Variants in PRUNE2 observed in about 807,000 individuals in gnomAD.
PRUNE2 encodes prune homolog 2 with BCH domain, also known as protein prune homolog 2.
Under a neutral mutation model 252.0 loss-of-function variants are expected in PRUNE2, and 164 were observed. That is an observed-to-expected ratio of 0.65 (90% CI 0.57 to 0.74). PRUNE2 has a LOEUF of 0.74. Among genes scored for constraint, PRUNE2 ranks in the 30% least tolerant of loss-of-function variants. The pLI, the probability that PRUNE2 is intolerant of heterozygous loss-of-function variation, is 0.00. For missense variants in PRUNE2, 3,495 were observed against 3,711.0 expected (o/e 0.94, Z 1.51); for synonymous variants, 1,292 against 1,350.2 (o/e 0.96, Z 0.94).
chr9:76,905,098 T>G (rs1287760686), intron 1 of PRUNE2, among the ~76,000 whole-genome samples: 6 of 152,222 alleles, frequency 3.9e-5, no homozygotes. Flanking sequence ...GGCTTTTCTT[T>G]TTTTTTCTGC....
At position 76,854,082 on chromosome 9, in the gene PRUNE2, G is replaced by GTAT. The variant is rs768468963; in HGVS notation, c.141+19_141+21dup. 1.8e-5 allele frequency: 21 copies of GTAT among 1,180,962 alleles called. 1 individual carries two copies. The highest frequency in any genetic ancestry group is 2.6e-5 in the South Asian group (2 of 75,834). 73.2% of individuals were successfully genotyped at this position (1,180,962 alleles called of 1,614,324 possible). A position where few individuals can be genotyped will look rare whatever the true frequency, so the allele number is the denominator to read the frequency against. The stretch of plus-strand genomic sequence containing the variant: ...TACATAATAATTCAAAATATAAGGA[G>GTAT]TATTACCCTTTTTTCCCTCACCTTG... On this transcript the variant is annotated intron_variant, in intron 2 of 18. Coordinates refer to ENST00000376718, the MANE Select transcript of PRUNE2 (RefSeq NM_015225.3).
At chr9:76,849,565 C>A (rs1261979282) in intron 3 of PRUNE2, among the ~76,000 whole-genome samples, 1 of 152,128 alleles carries the variant, frequency 6.6e-6, no homozygotes, top group Admixed American at 6.5e-5. Flanking sequence ...ATGGCTCACA[C>A]CTGTAATCCC....
intron 17 of PRUNE2, among the ~76,000 whole-genome samples, chr9:76,620,007 A>G (rs1163544700): frequency 6.6e-6 from 1 of 152,174 alleles, no homozygotes; most frequent in Non-Finnish European, 1.5e-5. Context: ...TTTTTATGGC[A>G]TTTATGTTTT....
chr9:76,625,523 T>C (rs1375906701), intron 16 of PRUNE2, among the ~76,000 whole-genome samples: 5 of 152,198 alleles, frequency 3.3e-5, no homozygotes, highest in Non-Finnish European at 7.3e-5. Flanking sequence ...ATAATAAAAT[T>C]GACATTTGGG....
chr9:76,898,616 T>C (rs948119314), intron 1 of PRUNE2, among the ~76,000 whole-genome samples: 4 of 152,008 alleles, frequency 2.6e-5, no homozygotes, highest in African/African-American at 7.2e-5. Context: ...AAAGTGCATA[T>C]ACATTAAAGT....
chr9:76,705,718 G>C lies in PRUNE2; in HGVS notation c.6556C>G (p.His2186Asp). 1 of 1,613,978 alleles carries C rather than the reference G, an allele frequency of 6.2e-7. No homozygotes were observed. The highest frequency in any genetic ancestry group is 8.5e-7 in the Non-Finnish European group (1 of 1,179,884). The change falls in exon 8 of 19, where the codon CAT becomes GAT. Residue 2186 changes from histidine (H) to aspartate (D), a missense_variant. Transcript: ENST00000376718. ...DIKGSSQPAS[H>D]KGSPEPSEIN... The stretch of plus-strand genomic sequence containing the variant: ...TCAGAAGGTTCAGGTGAACCTTTAT[G>C]AGAGGCGGGCTGAGAGGAGCCCTTT...
At chr9:76,848,228 C>T (rs2059772420) in intron 3 of PRUNE2, among the ~76,000 whole-genome samples, 1 of 152,162 alleles carries the variant, frequency 6.6e-6, no homozygotes, top group Non-Finnish European at 1.5e-5. Context: ...CGTGCCACTG[C>T]ACTCCAGCCT....
intron 16 of PRUNE2, chr9:76,624,933 T>G: frequency 1.3e-6 from 1 of 752,196 alleles, no homozygotes; most frequent in South Asian, 1.4e-5. Flanking sequence ...AGTGACCTCT[T>G]GCTCTGGTAG....
Position 76,709,517 on chromosome 9 carries a change from C to T in PRUNE2, c.2757G>A (p.Trp919Ter). Residue 919 changes from tryptophan to a stop codon, truncating the protein, a stop_gained, in exon 8 of 19, where the codon TGG (tryptophan) becomes TGA (stop). Coordinates refer to ENST00000376718, the MANE Select transcript of PRUNE2 (RefSeq NM_015225.3). LOFTEE classifies it high-confidence loss of function. ...TCTTCATATTCTCCTCAAAAAGGTT[C>T]CAGGAATCTACCTTTTCATATACCT... ...RGKVYEKVDSWNLFEENMKKG... is the reference protein window; with the variant it reads ...RGKVYEKVDS 1 of 1,613,968 alleles carries T rather than the reference C, an allele frequency of 6.2e-7. No homozygotes were observed. The highest frequency in any genetic ancestry group is 8.5e-7 in the Non-Finnish European group (1 of 1,179,874).
Position 76,703,718 on chromosome 9 carries a change from C to T in PRUNE2, c.7895G>A (p.Ser2632Asn), listed in dbSNP as rs2046083173. The T allele has an allele frequency of 6.2e-7, 1 of 1,613,524 alleles. No individual in the cohort carries two copies. Among genetic ancestry groups the T allele is most frequent in the Non-Finnish European group, 8.5e-7 (1 of 1,179,890 alleles). Residue 2632 changes from serine (S) to asparagine (N), a missense_variant, in exon 9 of 19, where the codon AGT becomes AAT. Coordinates refer to ENST00000376718, the MANE Select transcript of PRUNE2 (RefSeq NM_015225.3). ...SSFESPAQDQ[S>N]WMFLGHSEVG... ...CTCACTATGGCCCAAGAACATCCAA[C>T]TCTGGTCTTGTGCAGGGCTTTCAAA...
intron 11 of PRUNE2, among the ~76,000 whole-genome samples, chr9:76,648,078 T>C (rs1845714462): frequency 6.6e-6 from 1 of 152,152 alleles, no homozygotes. Context: ...AGATATTCAA[T>C]ATCATGTGTC....
intron 4 of PRUNE2, among the ~76,000 whole-genome samples, chr9:76,828,556 G>A (rs998972720): frequency 6.6e-6 from 1 of 152,188 alleles, no homozygotes; most frequent in Non-Finnish European, 1.5e-5. Context: ...AATATGGGGA[G>A]AATCAGTAAG....
chr9:76,815,638 A>G (rs2057645176), intron 6 of PRUNE2, among the ~76,000 whole-genome samples: 1 of 152,208 alleles, frequency 6.6e-6, no homozygotes, highest in South Asian at 2.1e-4. Context: ...AAACATTCAC[A>G]CTACAGCAGT....
chr9:76,658,734 G>C (rs909469996), intron 9 of PRUNE2, among the ~76,000 whole-genome samples: 1 of 152,204 alleles, frequency 6.6e-6, no homozygotes, highest in Non-Finnish European at 1.5e-5. Context: ...CACAAGTCAG[G>C]CTGTACTATG....
rs1431131612 is a variant in PRUNE2 at position 76,619,388 on chromosome 9, C to T, written c.9189-1G>A. The T allele has an allele frequency of 6.2e-7, 1 of 1,603,786 alleles. No homozygotes were observed. Among genetic ancestry groups the T allele is most frequent in the Non-Finnish European group, 8.5e-7 (1 of 1,173,672 alleles). On this transcript the variant is annotated splice_acceptor_variant, in intron 17 of 18. Transcript: ENST00000376718. LOFTEE classifies it high-confidence loss of function. ...TGGATCATTGTAAAGGCAGCTAGTT[C>T]TGAGTGCAAGGAAAAAATAGGAAGC... is the stretch of plus-strand genomic sequence containing the variant.
chr9:76,774,973 T>C (rs1291372216), intron 6 of PRUNE2, among the ~76,000 whole-genome samples: 1 of 152,204 alleles, frequency 6.6e-6, no homozygotes, highest in Non-Finnish European at 1.5e-5. Context: ...ACTACACAGA[T>C]GAGTTATGAG....
intron 6 of PRUNE2, among the ~76,000 whole-genome samples, chr9:76,729,739 CCAAGGTCTTTTAAAGTATTT>C (rs2048404624): frequency 2.6e-5 from 4 of 151,838 alleles, no homozygotes; most frequent in Non-Finnish European, 5.9e-5. Flanking sequence ...TCATGTAGAA[CCAAGGTCTTTTAAAGTATTT>C]TTTTCTTTTA....
chr9:76,659,601 G>A (rs1464566727), intron 9 of PRUNE2, among the ~76,000 whole-genome samples: 4 of 152,082 alleles, frequency 2.6e-5, no homozygotes, highest in African/African-American at 9.7e-5. Flanking sequence ...AAATGCTTGG[G>A]ACCAGAAGTA....
At chr9:76,825,521 C>A (rs2058296279) in intron 5 of PRUNE2, among the ~76,000 whole-genome samples, 1 of 152,222 alleles carries the variant, frequency 6.6e-6, no homozygotes, top group Admixed American at 6.5e-5. Flanking sequence ...CCCCCTCCTG[C>A]CCCTGGGGAT....
Sources: gnomAD v4.1 joint callset for allele counts (sites outside exome capture counted in the v4.1 genomes callset) on GRCh38, gnomAD v4.1.1 for gene constraint, MANE v1.5 for transcripts, NCBI Gene and HGNC (gene_info 2026-07-23, HGNC 2026-07-21) for gene names.